Variants in ADGRL3 observed in about 807,000 individuals in gnomAD.
ADGRL3 encodes the protein calcium-independent alpha-latrotoxin receptor 3.
In ADGRL3, 62 loss-of-function variants were observed where a neutral mutation model predicts 153.5. The observed-to-expected ratio is 0.40, with a 90% CI of 0.33 to 0.50. ADGRL3 has a LOEUF of 0.50. Among genes scored for constraint, ADGRL3 ranks in the 20% least tolerant of loss-of-function variants. ADGRL3 has a pLI of 0.47. For synonymous variants in ADGRL3, 710 were observed against 672.5 expected (o/e 1.06, Z -0.86); for missense variants, 1,641 against 1,859.4 (o/e 0.88, Z 2.16).
intron 1 of ADGRL3, among the ~76,000 whole-genome samples, chr4:61,360,505 T>TC (rs1228409992): frequency 6.6e-6 from 1 of 152,086 alleles, no homozygotes; most frequent in Non-Finnish European, 1.5e-5. Flanking sequence ...TTAAAAAAAT[T>TC]CCGGCAAGTT....
At chr4:61,345,988 T>C (rs921991739) in intron 1 of ADGRL3, among the ~76,000 whole-genome samples, 2 of 152,174 alleles carry the variant, frequency 1.3e-5, no homozygotes, top group Non-Finnish European at 2.9e-5. Context: ...TTTTTATTCA[T>C]TTGTCAAACC....
chr4:61,587,200 C>G (rs1233390369), intron 4 of ADGRL3, 27 bp from the exon 5 acceptor site: 2 of 1,527,236 alleles, frequency 1.3e-6, no homozygotes, highest in East Asian at 4.7e-5. Context: ...ACGATGGCAT[C>G]TCTTTTCTTC....
intron 17 of ADGRL3, among the ~76,000 whole-genome samples, chr4:61,964,936 A>G (rs1560439682): frequency 6.6e-6 from 1 of 152,080 alleles, no homozygotes; most frequent in Non-Finnish European, 1.5e-5. Flanking sequence ...ACTATACTCT[A>G]TTTGTTCCAG....
chr4:61,829,753 T>C (rs1462964269), intron 9 of ADGRL3, among the ~76,000 whole-genome samples: 3 of 152,192 alleles, frequency 2.0e-5, no homozygotes, highest in Non-Finnish European at 2.9e-5. Context: ...GTTAGTTAAC[T>C]GTGGCACTAT....
chr4:61,865,210 T>C (rs2098388306), intron 9 of ADGRL3, among the ~76,000 whole-genome samples: 1 of 152,202 alleles, frequency 6.6e-6, no homozygotes, highest in Admixed American at 6.5e-5. Context: ...TTTGGCTGAC[T>C]AATAACTGTA....
At chr4:61,623,724 G>A (rs2092671138) in intron 5 of ADGRL3, among the ~76,000 whole-genome samples, 1 of 152,090 alleles carries the variant, frequency 6.6e-6, no homozygotes, top group African/African-American at 2.4e-5. Flanking sequence ...TACTGAGGAA[G>A]GCAAACATTC....
intron 9 of ADGRL3, among the ~76,000 whole-genome samples, chr4:61,869,999 A>G (rs990724177): frequency 1.5e-5 from 2 of 137,648 alleles, no homozygotes; most frequent in African/African-American, 5.2e-5. Context: ...AGGGAGAGAG[A>G]GAGAGAGAGA....
intron 2 of ADGRL3, among the ~76,000 whole-genome samples, chr4:61,393,727 T>TAGCA (rs2096839115): frequency 6.6e-6 from 1 of 152,204 alleles, no homozygotes; most frequent in Non-Finnish European, 1.5e-5. Flanking sequence ...AAGTACCATC[T>TAGCA]TTCAAATGCT....
intron 23 of ADGRL3, 146 bp from the exon 24 acceptor site, chr4:62,037,585 A>G (rs1725775529): frequency 6.6e-6 from 6 of 910,548 alleles, no homozygotes; most frequent in Non-Finnish European, 9.9e-6. Flanking sequence ...GTTGTATTGT[A>G]AAATATATGC....
In ADGRL3 at chr4:61,202,993, G is replaced by A. The variant is rs1735490302; in HGVS notation, c.-240+1228G>A. ...GAGGCCACGGGGGCCCCCGCAGGGT[G>A]GCGAGGAAACCTTGCCGTGTCCCCT... On this transcript the variant is annotated intron_variant, in intron 1 of 26. Coordinates refer to ENST00000683033, the MANE Select transcript of ADGRL3 (RefSeq NM_001387552.1). The surrounding 1 kb of genome is among the most constrained non-coding windows in gnomAD (Gnocchi z 5.0). Among the ~76,000 whole-genome samples, 1 of 152,226 alleles carries A rather than the reference G, an allele frequency of 6.6e-6. No individual in the cohort carries two copies. Among genetic ancestry groups the A allele is most frequent in the Non-Finnish European group, 1.5e-5 (1 of 68,048 alleles).
At chr4:61,467,156 T>C (rs1280965949) in intron 2 of ADGRL3, among the ~76,000 whole-genome samples, 1 of 152,134 alleles carries the variant, frequency 6.6e-6, no homozygotes, top group Non-Finnish European at 1.5e-5. Context: ...AAACAACTAA[T>C]TATAATACCA....
At chr4:61,656,194 T>A (rs1687156952) in intron 5 of ADGRL3, among the ~76,000 whole-genome samples, 2 of 152,224 alleles carry the variant, frequency 1.3e-5, no homozygotes, top group African/African-American at 4.8e-5. Context: ...TGAATGCTTC[T>A]TAATGCTATC....
chr4:61,866,500 T>C (rs766423936), intron 9 of ADGRL3, among the ~76,000 whole-genome samples: 1 of 152,194 alleles, frequency 6.6e-6, no homozygotes, highest in African/African-American at 2.4e-5. Flanking sequence ...GTTTGTGTGC[T>C]CTGCAGCTGG....
intron 1 of ADGRL3, among the ~76,000 whole-genome samples, chr4:61,230,647 A>T (rs992560514): frequency 9.2e-5 from 14 of 152,238 alleles, no homozygotes; most frequent in African/African-American, 3.4e-4. Flanking sequence ...GGCCTCCCAA[A>T]GTGCTGGAAT....
At chr4:61,384,044 C>T (rs758674894) in intron 2 of ADGRL3, among the ~76,000 whole-genome samples, 6 of 151,828 alleles carry the variant, frequency 4.0e-5, no homozygotes, top group Non-Finnish European at 8.8e-5. Flanking sequence ...GAATTATTGA[C>T]ATAATTGATA....
At chr4:61,701,579 C>T (rs1456084858) in intron 6 of ADGRL3, among the ~76,000 whole-genome samples, 1 of 151,700 alleles carries the variant, frequency 6.6e-6, no homozygotes, top group Non-Finnish European at 1.5e-5. Context: ...GGACTAGATG[C>T]ATGCCACCAT....
At chr4:61,695,422 T>C (rs143574705) in intron 6 of ADGRL3, among the ~76,000 whole-genome samples, 10 of 152,274 alleles carry the variant, frequency 6.6e-5, no homozygotes, top group African/African-American at 2.4e-4. Context: ...ATTTTGAAAG[T>C]AATCTCTTTT....
At chr4:61,685,085 T>A (rs28721965) in intron 6 of ADGRL3, among the ~76,000 whole-genome samples, 49,138 of 151,720 alleles carry the variant, frequency 0.32, 9,058 homozygotes, top group Middle Eastern at 0.45. Context: ...CTGGCTAATT[T>A]TTTTAATTTT....
chr4:61,425,935 C>T (rs1400390293), intron 2 of ADGRL3, among the ~76,000 whole-genome samples: 1 of 152,174 alleles, frequency 6.6e-6, no homozygotes, highest in Admixed American at 6.5e-5. Flanking sequence ...CAGCAGATTA[C>T]CATTCGTCCC....
Sources: gnomAD v4.1 joint callset for allele counts (sites outside exome capture counted in the v4.1 genomes callset) on GRCh38, gnomAD v4.1.1 for gene constraint, Gnocchi (gnomAD v3.1) non-coding constraint, MANE v1.5 for transcripts, NCBI Gene and HGNC (gene_info 2026-07-23, HGNC 2026-07-21) for gene names.